COMMD1: variants seen among roughly 807,000 people sequenced by gnomAD.
COMMD1 encodes COMM domain-containing protein 1.
In COMMD1, 10 loss-of-function variants were observed where a neutral mutation model predicts 17.2. The ratio of observed to expected loss-of-function variants is 0.58; its 90% CI spans 0.36 to 0.99. The LOEUF (loss-of-function observed/expected upper bound fraction) is 0.99. Ranked by LOEUF, COMMD1 falls within the 50% of genes least tolerant of loss-of-function variation. The pLI, the probability that COMMD1 is intolerant of heterozygous loss-of-function variation, is 0.01. For missense variants in COMMD1, 270 were observed against 231.8 expected (o/e 1.17, Z -1.07); for synonymous variants, 97 against 91.6 (o/e 1.06, Z -0.34).
At chr2:62,031,736 G>T (rs531517055) in intron 2 of COMMD1, among the ~76,000 whole-genome samples, 43 of 152,230 alleles carry the variant, frequency 2.8e-4, no homozygotes, top group Non-Finnish European at 5.0e-4. Context: ...GTTATCAGTG[G>T]CTTTTAAAAT....
At chr2:62,110,930 C>T (rs1212512756) in intron 2 of COMMD1, among the ~76,000 whole-genome samples, 1 of 152,000 alleles carries the variant, frequency 6.6e-6, no homozygotes. Context: ...TAAATACTGT[C>T]ATTCTCTGAA....
intron 1 of COMMD1, among the ~76,000 whole-genome samples, chr2:61,967,410 A>G (rs1437324629): frequency 2.0e-5 from 3 of 152,182 alleles, no homozygotes; most frequent in Non-Finnish European, 2.9e-5. Flanking sequence ...ACTGGTAGTG[A>G]AGTTTGTGGT....
chr2:61,984,431 G>A (rs1672048708), intron 1 of COMMD1, among the ~76,000 whole-genome samples: 1 of 152,112 alleles, frequency 6.6e-6, no homozygotes, highest in African/African-American at 2.4e-5. Context: ...TCATTCAGCA[G>A]CATATTGTTT....
At position 61,896,144 on chromosome 2, in the gene COMMD1, C is replaced by T. The variant is rs957388097; in HGVS notation, n.119+7302C>T. On this transcript the variant is annotated intron_variant and non_coding_transcript_variant, in intron 1 of 2. Transcript: ENST00000472729. ...ATAACAAAGACTCAGGTAAACATGA[C>T]ACCATCAAAGGAAACTGCTATGGTT... Among the ~76,000 whole-genome samples the T allele has an allele frequency of 1.3e-5, 2 of 152,208 alleles. 1 individual carries two copies. Among genetic ancestry groups the T allele is most frequent in the Non-Finnish European group, 2.9e-5 (2 of 68,036 alleles).
At chr2:62,010,414 C>A (rs1669246601) in intron 2 of COMMD1, among the ~76,000 whole-genome samples, 1 of 152,068 alleles carries the variant, frequency 6.6e-6, no homozygotes, top group Non-Finnish European at 1.5e-5. Context: ...TTACAACTCA[C>A]TTCCTAGTTG....
At chr2:61,953,255 C>A (rs575813659) in intron 1 of COMMD1, among the ~76,000 whole-genome samples, 1 of 152,164 alleles carries the variant, frequency 6.6e-6, no homozygotes, top group Non-Finnish European at 1.5e-5. Flanking sequence ...GGTAATCTGC[C>A]AGCCTCGGCC....
chr2:61,957,713 G>C (rs1025114553), intron 1 of COMMD1, among the ~76,000 whole-genome samples: 1 of 152,252 alleles, frequency 6.6e-6, no homozygotes, highest in East Asian at 1.9e-4. Flanking sequence ...TTTCTTTGAC[G>C]TAAAAACACA....
intron 2 of COMMD1, among the ~76,000 whole-genome samples, chr2:62,036,614 C>CTTTGT (rs924171001): frequency 2.0e-5 from 3 of 152,032 alleles, no homozygotes; most frequent in African/African-American, 4.8e-5. Flanking sequence ...ATGTAAGGGG[C>CTTTGT]TTTGTTTTGT....
chr2:61,889,146 A>C (rs953458868), intron 1 of COMMD1, among the ~76,000 whole-genome samples: 31 of 104,478 alleles, frequency 3.0e-4, no homozygotes, highest in African/African-American at 8.7e-4. Flanking sequence ...CAGGTGATCC[A>C]CCCGCCTCGG....
At chr2:62,036,063 C>G (rs1670031820) in intron 2 of COMMD1, among the ~76,000 whole-genome samples, 1 of 150,762 alleles carries the variant, frequency 6.6e-6, no homozygotes, top group Non-Finnish European at 1.5e-5. Flanking sequence ...CTCACACACA[C>G]ACACACACAC....
intron 2 of COMMD1, among the ~76,000 whole-genome samples, chr2:62,062,059 G>T (rs1022877903): frequency 6.6e-6 from 1 of 151,588 alleles, no homozygotes; most frequent in African/African-American, 2.4e-5. Context: ...AGCAAGGACT[G>T]TGGAGTCAAA....
chr2:62,103,525 T>TA (rs1177730102), intron 2 of COMMD1, among the ~76,000 whole-genome samples: 7 of 152,244 alleles, frequency 4.6e-5, no homozygotes, highest in Non-Finnish European at 1.5e-5. Context: ...ATCATGAGTT[T>TA]ATTTTAGGTG....
chr2:62,023,226 C>CA (rs531076642), intron 2 of COMMD1, among the ~76,000 whole-genome samples: 1,056 of 91,550 alleles, frequency 0.012, 13 homozygotes, highest in African/African-American at 0.035. Context: ...AACTCTGTCT[C>CA]AAAAAAAAAA....
At chr2:61,952,444 A>G (rs1456175355) in intron 1 of COMMD1, among the ~76,000 whole-genome samples, 3 of 151,976 alleles carry the variant, frequency 2.0e-5, no homozygotes, top group African/African-American at 7.3e-5. Context: ...GTCTTTTGAG[A>G]TTTTTTTCAA....
At chr2:61,944,236 G>T (rs1487536965) in intron 1 of COMMD1, among the ~76,000 whole-genome samples, 1 of 152,088 alleles carries the variant, frequency 6.6e-6, no homozygotes, top group East Asian at 1.9e-4. Context: ...TGGATCACTT[G>T]AGCTCAGGAG....
At chr2:62,089,552 G>C (rs549976055) in intron 2 of COMMD1, among the ~76,000 whole-genome samples, 3 of 152,100 alleles carry the variant, frequency 2.0e-5, no homozygotes, top group Non-Finnish European at 2.9e-5. Flanking sequence ...CAAAGTGCTG[G>C]GATTACAGGC....
chr2:61,942,524 A>G (rs1487137313), intron 1 of COMMD1, among the ~76,000 whole-genome samples: 2 of 142,786 alleles, frequency 1.4e-5, no homozygotes, highest in Non-Finnish European at 1.5e-5. Flanking sequence ...TACAGGGGTG[A>G]GCCACTGTGC....
chr2:62,078,712 A>T (rs1671425102), intron 2 of COMMD1, among the ~76,000 whole-genome samples: 1 of 145,812 alleles, frequency 6.9e-6, no homozygotes, highest in African/African-American at 2.5e-5. Context: ...ATTAAAAATT[A>T]AAAAATAAAA....
chr2:61,986,157 T>G lies in COMMD1; in HGVS notation c.181-14544T>G, dbSNP rs986312889. Among the ~76,000 whole-genome samples the G allele has an allele frequency of 3.3e-5, 5 of 152,020 alleles. No homozygotes were observed. The South Asian group carries it at 8.3e-4, about 25-fold the overall frequency. ...CAGATTACTATTCTGGTATAAAGTTTTTTTTTTTTTCCTTCAGCACTTTAA... is the reference window on the plus strand; with the variant it reads ...CAGATTACTATTCTGGTATAAAGTTGTTTTTTTTTTCCTTCAGCACTTTAA... On this transcript the variant is annotated intron_variant, in intron 1 of 2. Transcript: ENST00000311832.
Sources: gnomAD v4.1 joint callset for allele counts (sites outside exome capture counted in the v4.1 genomes callset) on GRCh38, gnomAD v4.1.1 for gene constraint, MANE v1.5 for transcripts, NCBI Gene and HGNC (gene_info 2026-07-23, HGNC 2026-07-21) for gene names.